PPM1E: variants seen among roughly 807,000 people sequenced by gnomAD.
PPM1E encodes protein phosphatase 1E.
A neutral mutation model predicts 65.9 loss-of-function variants in PPM1E; 20 were observed. That is an observed-to-expected ratio of 0.30 (90% CI 0.21 to 0.44). The LOEUF is 0.44. PPM1E is among the 20% of genes least tolerant of loss of function. The pLI, the probability that PPM1E is intolerant of heterozygous loss-of-function variation, is 1.00. For synonymous variants in PPM1E, 352 were observed against 374.9 expected, an observed-to-expected ratio of 0.94 and a Z score of 0.70; for missense variants, 713 against 953.1, an observed-to-expected ratio of 0.75 and a Z score of 3.32.
At chr17:58,812,613 G>A (rs1420653627) in intron 1 of PPM1E, among the ~76,000 whole-genome samples, 1 of 152,108 alleles carries the variant, frequency 6.6e-6, no homozygotes, top group East Asian at 1.9e-4. Context: ...CCGTGTTGGG[G>A]CATGATCTTG....
intron 1 of PPM1E, among the ~76,000 whole-genome samples, chr17:58,896,224 C>A (rs958249733): frequency 1.3e-5 from 2 of 152,104 alleles, no homozygotes; most frequent in African/African-American, 4.8e-5. Flanking sequence ...TTCCCTTAAG[C>A]CAAAGCCTAA....
At chr17:58,801,440 CTTT>C (rs35970989) in intron 1 of PPM1E, among the ~76,000 whole-genome samples, 10 of 101,126 alleles carry the variant, frequency 9.9e-5, no homozygotes, top group Non-Finnish European at 1.4e-4. Flanking sequence ...CCCCTTCAGT[CTTT>C]TTTTTTTTTT....
chr17:58,870,012 A>G (rs2051052038), intron 1 of PPM1E, among the ~76,000 whole-genome samples: 1 of 152,192 alleles, frequency 6.6e-6, no homozygotes, highest in Non-Finnish European at 1.5e-5. Context: ...AAATTATTTA[A>G]TTATGCCTTT....
intron 1 of PPM1E, among the ~76,000 whole-genome samples, chr17:58,912,733 G>C (rs1228091094): frequency 1.3e-5 from 2 of 152,192 alleles, no homozygotes; most frequent in African/African-American, 2.4e-5. Context: ...TGGTTGCCAG[G>C]AGAATGGACC....
At chr17:58,773,272 C>A (rs2049958554) in intron 1 of PPM1E, among the ~76,000 whole-genome samples, 2 of 152,060 alleles carry the variant, frequency 1.3e-5, no homozygotes, top group Admixed American at 1.3e-4. Context: ...CAACACAAGA[C>A]CATGACCTAT....
In PPM1E at chr17:58,982,807, C is replaced by A; in HGVS notation, c.*1776C>A. On this transcript the variant is annotated 3_prime_UTR_variant, in exon 7 of 7. Transcript: ENST00000308249. The stretch of plus-strand genomic sequence containing the variant: ...ATGGCCCCAACTATAGTGCCGGAAC[C>A]TTTTCATCATTCTGAGGCTTTGCCC... The A allele has an allele frequency of 8.9e-7, 1 of 1,118,966 alleles. No individual in the cohort carries two copies. The highest frequency in any genetic ancestry group is 1.3e-6 in the Non-Finnish European group (1 of 770,976). The allele number at this position is 1,118,966 out of a possible 1,614,324, so 69.3% of individuals were successfully genotyped here. A position where few individuals can be genotyped will look rare whatever the true frequency, so the allele number is the denominator to read the frequency against.
At chr17:58,917,909 T>A (rs2051703997) in intron 1 of PPM1E, among the ~76,000 whole-genome samples, 1 of 152,188 alleles carries the variant, frequency 6.6e-6, no homozygotes, top group African/African-American at 2.4e-5. Flanking sequence ...ATTACTCTAT[T>A]CTTAGTTGGA....
chr17:58,767,796 C>T (rs1309706844), intron 1 of PPM1E, among the ~76,000 whole-genome samples: 1 of 152,022 alleles, frequency 6.6e-6, no homozygotes, highest in South Asian at 2.1e-4. Context: ...GCATGCACCA[C>T]CACGCTGGGC....
At chr17:58,966,961 G>A (rs1046841697) in intron 3 of PPM1E, among the ~76,000 whole-genome samples, 3 of 152,148 alleles carry the variant, frequency 2.0e-5, no homozygotes, top group African/African-American at 7.2e-5. Context: ...CCATGCAAAT[G>A]TAACCCAGAA....
chr17:58,789,650 G>A (rs1443915200), intron 1 of PPM1E, among the ~76,000 whole-genome samples: 1 of 151,824 alleles, frequency 6.6e-6, no homozygotes, highest in African/African-American at 2.4e-5. Flanking sequence ...CCTGCTATTT[G>A]AACAAAAGGC....
intron 1 of PPM1E, among the ~76,000 whole-genome samples, chr17:58,830,859 A>G (rs1598598515): frequency 6.6e-6 from 1 of 150,486 alleles, no homozygotes; most frequent in African/African-American, 2.4e-5. Context: ...TGATTTTTGT[A>G]TTTTTTGTAG....
intron 6 of PPM1E, among the ~76,000 whole-genome samples, chr17:58,973,957 A>C (rs2030830173): frequency 6.7e-6 from 1 of 148,548 alleles, no homozygotes; most frequent in African/African-American, 2.5e-5. Flanking sequence ...ATCTCAAAAA[A>C]AAAAAAAAAA....
intron 3 of PPM1E, 96 bp from the exon 4 acceptor site, chr17:58,969,443 G>C: frequency 8.7e-7 from 1 of 1,152,492 alleles, no homozygotes; most frequent in Non-Finnish European, 1.3e-6. Flanking sequence ...AAATGCAGTG[G>C]AGGAGAAAGG....
At chr17:58,875,903 T>TC (rs1400961704) in intron 1 of PPM1E, among the ~76,000 whole-genome samples, 2 of 152,150 alleles carry the variant, frequency 1.3e-5, no homozygotes, top group African/African-American at 4.8e-5. Flanking sequence ...ATCTGTACTA[T>TC]CATTAATGAG....
chr17:58,972,358 T>C lies in PPM1E; in HGVS notation c.1116+83T>C, dbSNP rs529563130. 1.0e-4 allele frequency: 146 copies of C among 1,424,570 alleles called. No individual in the cohort carries two copies. In the East Asian group the frequency reaches 3.0e-3, roughly 29 times the overall value. 88.2% of individuals were successfully genotyped at this position (1,424,570 alleles called of 1,614,324 possible). On this transcript the variant is annotated intron_variant, in intron 5 of 6. Transcript: ENST00000308249. Reference sequence around the variant, plus strand: ...GTTATTGATTAGGATTCACTTACTTTTTTTTTTTTTGAGATGGAGTTTCAC... The same window carrying C: ...GTTATTGATTAGGATTCACTTACTTCTTTTTTTTTTGAGATGGAGTTTCAC...
chr17:58,765,065 G>C (rs1378837533), intron 1 of PPM1E, among the ~76,000 whole-genome samples: 1 of 318 alleles, frequency 3.1e-3, no homozygotes, highest in East Asian at 0.12. Context: ...TTATGTTTTT[G>C]TTGGTGTGTG....
intron 2 of PPM1E, among the ~76,000 whole-genome samples, chr17:58,960,967 C>A (rs1331499310): frequency 6.6e-6 from 1 of 151,426 alleles, no homozygotes; most frequent in Non-Finnish European, 1.5e-5. Flanking sequence ...ATATTTTTTC[C>A]AAATCTATAA....
intron 1 of PPM1E, among the ~76,000 whole-genome samples, chr17:58,883,736 C>T (rs545145535): frequency 1.3e-5 from 2 of 151,236 alleles, no homozygotes; most frequent in Non-Finnish European, 3.0e-5. Flanking sequence ...CCGCCCGCCT[C>T]GGCCTCCCAA....
intron 1 of PPM1E, chr17:58,785,458 T>TTTTATATA (rs1428055897): frequency 2.2e-4 from 20 of 88,966 alleles, no homozygotes; most frequent in African/African-American, 4.8e-4. Context: ...CCTGGCTAAT[T>TTTTATATA]TATATATATA....
Sources: gnomAD v4.1 joint callset for allele counts (sites outside exome capture counted in the v4.1 genomes callset) on GRCh38, gnomAD v4.1.1 for gene constraint, MANE v1.5 for transcripts, NCBI Gene and HGNC (gene_info 2026-07-23, HGNC 2026-07-21) for gene names.